The following KDM4C variants were observed in gnomAD, a reference collection of about 807,000 sequenced individuals.
The protein encoded by KDM4C is lysine demethylase 4C.
A neutral mutation model predicts 129.3 loss-of-function variants in KDM4C; 81 were observed. That is an observed-to-expected ratio of 0.63 (90% CI 0.52 to 0.75). The LOEUF (loss-of-function observed/expected upper bound fraction) is 0.75, where lower values mean the gene tolerates loss of function less well. Among genes scored for constraint, KDM4C ranks in the 30% least tolerant of loss-of-function variants. The probability of loss-of-function intolerance (pLI) is 0.00; values close to 1 mark genes in which losing one functional copy is unlikely to be tolerated. For synonymous variants in KDM4C, 573 were observed against 456.1 expected (o/e 1.26, Z -3.26); for missense variants, 1,457 against 1,304.0 (o/e 1.12, Z -1.81).
chr9:7,035,047 C>T (rs1827391405), intron 15 of KDM4C, among the ~76,000 whole-genome samples: 1 of 151,878 alleles, frequency 6.6e-6, no homozygotes, highest in Non-Finnish European at 1.5e-5. Context: ...GGTCTCACTT[C>T]CATTGCCCAG....
intron 1 of KDM4C, chr9:6,749,013 CTTATTA>C (rs767165885): frequency 2.8e-6 from 2 of 707,360 alleles, no homozygotes; most frequent in South Asian, 1.5e-5. Flanking sequence ...CACTTGCAAG[CTTATTA>C]TTATTATTTT....
chr9:7,002,799 C>G (rs1820968632), intron 12 of KDM4C, among the ~76,000 whole-genome samples: 1 of 152,188 alleles, frequency 6.6e-6, no homozygotes, highest in Non-Finnish European at 1.5e-5. Context: ...TCCTAGATCA[C>G]AAAGCTAGTA....
chr9:6,898,353 C>T (rs1357675748), intron 8 of KDM4C, among the ~76,000 whole-genome samples: 2 of 152,084 alleles, frequency 1.3e-5, no homozygotes, highest in East Asian at 3.9e-4. Context: ...TCGTTTATAC[C>T]GTCTGAAGCA....
chr9:6,760,574 ATTTATTTATTTT>A, intron 1 of KDM4C, among the ~76,000 whole-genome samples: 1 of 135,994 alleles, frequency 7.4e-6, no homozygotes, highest in East Asian at 2.0e-4. Context: ...TTATTTATTT[ATTTATTTATTTT>A]TTGAGACGAA....
At chr9:7,036,946 A>G (rs73401825) in intron 15 of KDM4C, among the ~76,000 whole-genome samples, 14,338 of 152,178 alleles carry the variant, frequency 0.094, 799 homozygotes, top group East Asian at 0.19. Context: ...TGGATTTGCA[A>G]ATTTGTGGAA....
chr9:6,825,934 C>T (rs983205825), intron 4 of KDM4C, among the ~76,000 whole-genome samples: 1 of 152,142 alleles, frequency 6.6e-6, no homozygotes, highest in Non-Finnish European at 1.5e-5. Context: ...CCTCAGCCTA[C>T]TGAGTAGCTG....
chr9:6,996,631 G>A (rs10975954), intron 12 of KDM4C, among the ~76,000 whole-genome samples: 17,683 of 152,138 alleles, frequency 0.12, 1,149 homozygotes, highest in Middle Eastern at 0.16. Flanking sequence ...AGAGGACGTC[G>A]TGAGCATGGC....
At chr9:6,940,023 TTCCTTCCTTCTTTCCTTCCTTCCC>T (rs1246060407) in intron 8 of KDM4C, among the ~76,000 whole-genome samples, 127 of 134,484 alleles carry the variant, frequency 9.4e-4, no homozygotes, top group Non-Finnish European at 1.5e-3. Flanking sequence ...CCTTCCTTCC[TTCCTTCCTTCTTTCCTTCCTTCCC>T]TCCTTCCCTC....
intron 15 of KDM4C, among the ~76,000 whole-genome samples, chr9:7,042,726 T>G (rs984679372): frequency 1.3e-5 from 2 of 152,072 alleles, no homozygotes; most frequent in African/African-American, 2.4e-5. Flanking sequence ...GCACTCTACT[T>G]TGATACCTTA....
At chr9:6,778,782 T>C (rs2130733312) in intron 1 of KDM4C, among the ~76,000 whole-genome samples, 1 of 150,156 alleles carries the variant, frequency 6.7e-6, no homozygotes, top group Non-Finnish European at 1.5e-5. Flanking sequence ...GTTACATTTG[T>C]GAGATTCGTC....
intron 19 of KDM4C, among the ~76,000 whole-genome samples, chr9:7,136,814 T>C (rs943608699): frequency 2.6e-5 from 4 of 152,224 alleles, no homozygotes; most frequent in Admixed American, 6.5e-5. Context: ...GCAAAAGTTA[T>C]ACATTTTGAT....
Position 7,174,860 on chromosome 9 carries a change from G to T in KDM4C, c.*131G>T, listed in dbSNP as rs1845304788. On this transcript the variant is annotated 3_prime_UTR_variant, in exon 22 of 22. Coordinates refer to ENST00000381309, the MANE Select transcript of KDM4C (RefSeq NM_015061.6). ...GTGTGTCTCTGACAGTGGTAAATCG[G>T]GTTTCCAGAGTTTGGTCACCAAAAA... 4 of 718,090 alleles carry T rather than the reference G, an allele frequency of 5.6e-6. No homozygotes were observed. Among genetic ancestry groups the T allele is most frequent in the Admixed American group, 2.5e-5 (1 of 40,542 alleles). The allele number at this position is 718,090 out of a possible 1,614,324, so 44.5% of individuals were successfully genotyped here.
chr9:6,850,773 G>A (rs1838696811), intron 5 of KDM4C, among the ~76,000 whole-genome samples: 2 of 150,768 alleles, frequency 1.3e-5, no homozygotes. Flanking sequence ...TTATTTTTTC[G>A]AGACAGGGTC....
intron 3 of KDM4C, among the ~76,000 whole-genome samples, chr9:6,807,045 C>G (rs1278817062): frequency 6.6e-6 from 1 of 152,110 alleles, no homozygotes; most frequent in African/African-American, 2.4e-5. Flanking sequence ...ATTGCAGGCA[C>G]GCGCCGCCAC....
chr9:6,939,886 G>A lies in KDM4C; in HGVS notation c.922-41039G>A, dbSNP rs149475875. ...ATAACTGAAAGTCTAAGTAAAAAAC[G>A]TTGGCTTTATCCTGTGGGTAGAAAC... On this transcript the variant is annotated intron_variant, in intron 8 of 21. Transcript: ENST00000381309. Among the ~76,000 whole-genome samples the A allele has an allele frequency of 2.5e-3, 383 of 152,190 alleles. 2 individuals carry two copies. Among genetic ancestry groups the A allele is most frequent in the African/African-American group, 9.0e-3 (375 of 41,498 alleles).
At chr9:6,975,930 C>T (rs773972970) in intron 8 of KDM4C, among the ~76,000 whole-genome samples, 3 of 152,092 alleles carry the variant, frequency 2.0e-5, no homozygotes, top group African/African-American at 4.8e-5. Flanking sequence ...CCCAGCTACT[C>T]GGGAGGCTGA....
intron 5 of KDM4C, among the ~76,000 whole-genome samples, chr9:6,863,922 G>A (rs1464220793): frequency 2.0e-5 from 3 of 152,114 alleles, no homozygotes; most frequent in South Asian, 4.2e-4. Flanking sequence ...CTATTCATGA[G>A]TGATCCACCC....
intron 19 of KDM4C, among the ~76,000 whole-genome samples, chr9:7,139,546 A>T (rs1020295859): frequency 7.2e-5 from 11 of 152,216 alleles, no homozygotes; most frequent in Non-Finnish European, 1.5e-5. Context: ...TGAGACTCTA[A>T]AATTATATGT....
At chr9:6,914,306 G>A (rs1025845117) in intron 8 of KDM4C, among the ~76,000 whole-genome samples, 3 of 152,162 alleles carry the variant, frequency 2.0e-5, no homozygotes, top group Admixed American at 2.0e-4. Context: ...TGATCTGCCT[G>A]CCTCTGACTC....
Sources: allele counts gnomAD v4.1 joint callset (sites outside exome capture counted in the v4.1 genomes callset), GRCh38; gene constraint gnomAD v4.1.1; transcripts MANE v1.5; gene names NCBI Gene and HGNC (gene_info 2026-07-23, HGNC 2026-07-21).